Variants in OFD1 observed in about 807,000 individuals in gnomAD.
The protein encoded by OFD1 is centriole and centriolar satellite protein OFD1.
OFD1 carries 12 observed loss-of-function variants against 81.4 expected under a neutral mutation model. The observed-to-expected ratio is 0.15, with a 90% CI of 0.09 to 0.24. The LOEUF (loss-of-function observed/expected upper bound fraction) is 0.24, where lower values mean the gene tolerates loss of function less well. OFD1 is among the 10% of genes least tolerant of loss of function. The pLI is 1.00. For missense variants in OFD1, 685 were observed against 733.9 expected, an observed-to-expected ratio of 0.93 and a Z score of 0.77; for synonymous variants, 256 against 263.7, an observed-to-expected ratio of 0.97 and a Z score of 0.28.
At chrX:13,741,741 TG>T (rs2047113204) in intron 5 of OFD1, among the ~76,000 whole-genome samples, 1 of 111,039 alleles carries the variant, frequency 9.0e-6, no homozygotes, top group Admixed American at 9.6e-5. Context: ...CAGTTAAAGG[TG>T]GTTATTTATT....
At chrX:13,725,279 C>T in the OFD1 span, among the ~76,000 whole-genome samples, 47 of 112,962 alleles carry the variant, frequency 4.2e-4, no homozygotes, top group Admixed American at 1.3e-3. Context: ...GCTCTGAGAA[C>T]GGACAGACTG....
the OFD1 span, among the ~76,000 whole-genome samples, chrX:13,722,600 T>C: frequency 2.0e-4 from 22 of 111,602 alleles, no homozygotes; most frequent in African/African-American, 6.5e-4. Flanking sequence ...AATGACCTCA[T>C]TGTCTCGGGA....
At chrX:13,770,809 A>C (rs1284150910), downstream of OFD1, among the ~76,000 whole-genome samples, 5 of 112,461 alleles carry the variant, frequency 4.4e-5, no homozygotes, top group Admixed American at 2.8e-4. Context: ...TTTTTGCCAG[A>C]AATAAAACAA....
chrX:13,746,405 G>C lies in OFD1; in HGVS notation c.604G>C (p.Glu202Gln). Residue 202 changes from glutamate (E) to glutamine (Q), a missense_variant, in exon 7 of 23, where the codon GAG (glutamate) becomes CAG (glutamine). Physicochemically the swap from Glu to Gln is conservative, Grantham distance 29. Transcript: ENST00000340096. ...CGAATCTTTAGAAATAAAGCTAAAT[G>C]AGTATAAGAGAGAAATAGAAGAGCA... Reference protein sequence around the residue: ...KFESLEIKLNEYKREIEEQLR... With the variant: ...KFESLEIKLNQYKREIEEQLR... 8.3e-7 allele frequency: 1 copy of C among 1,207,032 alleles called. No homozygotes were observed. The highest frequency in any genetic ancestry group is 1.1e-6 in the Non-Finnish European group (1 of 891,367).
chrX:13,735,406 C>G lies in OFD1; in HGVS notation c.111+60C>G, dbSNP rs964417549. On this transcript the variant is annotated intron_variant, in intron 2 of 22. Transcript: ENST00000340096. Reference sequence around the variant, plus strand: ...CAAGTGTAACCTGTAACAGGTAGTTCAAATTCAATCAAGGTTTAGGTTTTA... The same window carrying G: ...CAAGTGTAACCTGTAACAGGTAGTTGAAATTCAATCAAGGTTTAGGTTTTA... 5.7e-5 allele frequency: 48 copies of G among 848,271 alleles called. 1 individual carries two copies. The Middle Eastern group carries it at 8.2e-4, about 15-fold the overall frequency. 69.9% of individuals were successfully genotyped at this position (848,271 alleles called of 1,213,427 possible). A position where few individuals can be genotyped will look rare whatever the true frequency, so the allele number is the denominator to read the frequency against.
the OFD1 span, chrX:13,720,107 C>T: frequency 6.5e-6 from 3 of 459,023 alleles, no homozygotes; most frequent in Non-Finnish European, 1.0e-5. Context: ...TGCTACTAAG[C>T]TTGGCAGTTT....
chrX:13,756,671 C>T lies in OFD1; in HGVS notation c.1315C>T (p.Leu439=). 8.3e-7 allele frequency: 1 copy of T among 1,201,906 alleles called. No homozygotes were observed. The highest frequency in any genetic ancestry group is 1.1e-6 in the Non-Finnish European group (1 of 886,856). The change falls in exon 13 of 23, where the codon CTA becomes TTA. Residue 439 remains leucine, a synonymous_variant. Transcript: ENST00000340096. ...GGTTAAAGAGATGAGTGATTATTCA[C>T]TACTAAAAGAAGAGAAACTGGAGCT... ...EKVKEMSDYS[L]LKEEKLELLA... is the part of the protein sequence containing the mutation.
chrX:13,746,359 T>C lies in OFD1; in HGVS notation c.558T>C (p.Ala186=). 1 of 1,203,813 alleles carries C rather than the reference T, an allele frequency of 8.3e-7. No homozygotes were observed. ...TTATTGATGATCAGTTTGCAGATGC[T>C]TACCCTCAGCGTATCAAGTTCGAAT... is the stretch of plus-strand genomic sequence containing the variant. The part of the protein sequence containing the change: ...LQLIDDQFAD[A]YPQRIKFESL... Residue 186 remains alanine (A), a synonymous_variant, in exon 7 of 23, where the codon GCT becomes GCC. Coordinates refer to ENST00000340096, the MANE Select transcript of OFD1 (RefSeq NM_003611.3).
intron 19 of OFD1, among the ~76,000 whole-genome samples, chrX:13,766,452 T>C (rs2048132123): frequency 8.9e-6 from 1 of 111,819 alleles, no homozygotes; most frequent in East Asian, 2.8e-4. Context: ...AAGCTAGTGC[T>C]GTGGGGTTTC....
chrX:13,717,549 C>T, the OFD1 span, among the ~76,000 whole-genome samples: 123 of 110,949 alleles, frequency 1.1e-3, no homozygotes, highest in African/African-American at 3.9e-3. Context: ...CAAGACCAGC[C>T]TGTCCAATAT....
Position 13,744,490 on chromosome X carries a change from C to G in OFD1, c.488C>G (p.Thr163Arg), listed in dbSNP as rs1339914647. The change falls in exon 6 of 23, where the codon ACA becomes AGA. Residue 163 changes from threonine to arginine, a missense_variant. Physicochemically the swap from Thr to Arg is moderately conservative, Grantham distance 71. Around this residue, in one of 3 missense-constraint regions of OFD1, gnomAD observed 414 missense variants for 447.2 expected, o/e 0.93. Transcript: ENST00000340096. Reference protein sequence around the residue: ...AKESCNMETQTSSTFNRDSLA... With the variant: ...AKESCNMETQRSSTFNRDSLA... Reference sequence around the variant, plus strand: ...GAGAGTTGTAATATGGAAACTCAGACAAGTTCGACATTTAACAGAGATTCT... The same window carrying G: ...GAGAGTTGTAATATGGAAACTCAGAGAAGTTCGACATTTAACAGAGATTCT... The G allele has an allele frequency of 1.4e-5, 16 of 1,160,290 alleles. No homozygotes were observed. Among genetic ancestry groups the G allele is most frequent in the Non-Finnish European group, 1.9e-5 (16 of 849,250 alleles).
Position 13,769,251 on chromosome X carries a change from T to C in OFD1, c.*143T>C, listed in dbSNP as rs755998788. ...GTGGGTTTTTTTTTCCATAATTAAT[T>C]TTGATACCATAGTGTGTGAACCAAG... is the stretch of plus-strand genomic sequence containing the variant. On this transcript the variant is annotated 3_prime_UTR_variant, in exon 23 of 23. Coordinates refer to ENST00000340096, the MANE Select transcript of OFD1 (RefSeq NM_003611.3). 2 of 528,967 alleles carry C rather than the reference T, an allele frequency of 3.8e-6. No homozygotes were observed. Among genetic ancestry groups the C allele is most frequent in the Non-Finnish European group, 6.7e-6 (2 of 296,699 alleles). The allele number at this position is 528,967 out of a possible 1,213,427, so 43.6% of individuals were successfully genotyped here.
intron 3 of OFD1, among the ~76,000 whole-genome samples, chrX:13,738,301 T>C (rs767235018): frequency 2.7e-5 from 3 of 112,994 alleles, no homozygotes; most frequent in South Asian, 7.2e-4. Flanking sequence ...CCATGCAGAA[T>C]ATTTACTTTA....
intron 10 of OFD1, among the ~76,000 whole-genome samples, chrX:13,752,041 A>G (rs1019455150): frequency 4.5e-5 from 5 of 111,996 alleles, no homozygotes; most frequent in African/African-American, 1.6e-4. Flanking sequence ...AGTCAGAAGG[A>G]TGGGGTTATC....
At chrX:13,739,767 TA>T (rs2047018102) in intron 5 of OFD1, 2 of 729,526 alleles carry the variant, frequency 2.7e-6, no homozygotes, top group Admixed American at 1.8e-4. Flanking sequence ...AAAAAATGTT[TA>T]TATAGACCTA....
upstream of OFD1, among the ~76,000 whole-genome samples, chrX:13,733,334 T>A (rs2046721750): frequency 8.9e-6 from 1 of 111,834 alleles, no homozygotes; most frequent in Non-Finnish European, 1.9e-5. Context: ...TTGTTCCACC[T>A]CTGCTAGCGT....
chrX:13,744,202 A>T (rs1332352044), intron 5 of OFD1, among the ~76,000 whole-genome samples: 1 of 111,442 alleles, frequency 9.0e-6, no homozygotes, highest in African/African-American at 3.3e-5. Context: ...CTGATGTAGG[A>T]GGATTGCTTG....
intron 9 of OFD1, 94 bp downstream of exon 9, chrX:13,749,627 G>A: frequency 1.7e-6 from 1 of 574,795 alleles, no homozygotes; most frequent in Non-Finnish European, 3.0e-6. Flanking sequence ...TCATTGCCAA[G>A]TAGAGTTCTT....
At chrX:13,721,960 G>T in the OFD1 span, 4 of 109,807 alleles carry the variant, frequency 3.6e-5, no homozygotes, top group African/African-American at 1.3e-4. Flanking sequence ...GTTTGCCCCT[G>T]TTTTAGGGGA....
Sources: gnomAD v4.1 joint callset for allele counts (sites outside exome capture counted in the v4.1 genomes callset) on GRCh38, gnomAD v4.1.1 for gene constraint, gnomAD v4.1.1 regional missense constraint, MANE v1.5 for transcripts, NCBI Gene and HGNC (gene_info 2026-07-23, HGNC 2026-07-21) for gene names.